PCDH7: variants seen among roughly 807,000 people sequenced by gnomAD.
The protein encoded by PCDH7 is protocadherin 7.
PCDH7 carries 17 observed loss-of-function variants against 58.9 expected under a neutral mutation model. The ratio of observed to expected loss-of-function variants is 0.29; its 90% CI spans 0.20 to 0.43. The LOEUF is 0.43. Among genes scored for constraint, PCDH7 ranks in the 20% least tolerant of loss-of-function variants. The pLI, the probability that PCDH7 is intolerant of heterozygous loss-of-function variation, is 1.00. For missense variants in PCDH7, 1,274 were observed against 1,441.0 expected, an observed-to-expected ratio of 0.88 and a Z score of 1.88; for synonymous variants, 664 against 616.4, an observed-to-expected ratio of 1.08 and a Z score of -1.14.
chr4:31,022,719 T>G (rs1754125185), intron 3 of PCDH7, among the ~76,000 whole-genome samples: 1 of 152,126 alleles, frequency 6.6e-6, no homozygotes, highest in Non-Finnish European at 1.5e-5. Flanking sequence ...TTGTCTGTAT[T>G]TTGATAACTG....
At chr4:31,073,226 A>G (rs2109255789) in intron 3 of PCDH7, among the ~76,000 whole-genome samples, 1 of 152,340 alleles carries the variant, frequency 6.6e-6, no homozygotes, top group South Asian at 2.1e-4. Context: ...GCATTACATC[A>G]TTGAAAGCAT....
chr4:30,926,957 T>C (rs1743952249), intron 2 of PCDH7, among the ~76,000 whole-genome samples: 1 of 152,182 alleles, frequency 6.6e-6, no homozygotes, highest in Non-Finnish European at 1.5e-5. Flanking sequence ...AATCTCAATA[T>C]TAATAATTAA....
intron 1 of PCDH7, among the ~76,000 whole-genome samples, chr4:30,745,786 G>A (rs1717698348): frequency 6.6e-6 from 1 of 152,060 alleles, no homozygotes; most frequent in African/African-American, 2.4e-5. Context: ...GTGTATGTGT[G>A]TGTGTGTGCG....
At chr4:31,028,713 C>T (rs1275619870) in intron 3 of PCDH7, among the ~76,000 whole-genome samples, 1 of 150,528 alleles carries the variant, frequency 6.6e-6, no homozygotes, top group Non-Finnish European at 1.5e-5. Context: ...ATTGAGGTAA[C>T]ATTTTAAATT....
intron 3 of PCDH7, among the ~76,000 whole-genome samples, chr4:31,052,451 G>A (rs762170968): frequency 3.3e-5 from 5 of 152,110 alleles, no homozygotes; most frequent in Non-Finnish European, 5.9e-5. Context: ...TTATTGAGAG[G>A]TGGTAGATTA....
At chr4:30,827,174 C>A (rs183623397) in intron 1 of PCDH7, among the ~76,000 whole-genome samples, 37 of 152,252 alleles carry the variant, frequency 2.4e-4, no homozygotes, top group Middle Eastern at 3.4e-3. Context: ...TTGTAAAAAG[C>A]CTGCAAAGCA....
chr4:31,027,119 G>A (rs1754500143), intron 3 of PCDH7, among the ~76,000 whole-genome samples: 1 of 152,002 alleles, frequency 6.6e-6, no homozygotes, highest in African/African-American at 2.4e-5. Context: ...TTGCTGACTA[G>A]TAAGATAAAT....
intron 1 of PCDH7, among the ~76,000 whole-genome samples, chr4:30,794,849 C>T (rs1174888549): frequency 1.3e-5 from 2 of 152,090 alleles, no homozygotes; most frequent in Non-Finnish European, 2.9e-5. Context: ...AGATGTGTTA[C>T]CTACATTTCT....
intron 3 of PCDH7, among the ~76,000 whole-genome samples, chr4:30,954,915 T>C (rs1384071956): frequency 6.6e-6 from 1 of 152,142 alleles, no homozygotes; most frequent in Non-Finnish European, 1.5e-5. Context: ...TAATCTTTAG[T>C]GATAACATGT....
intron 3 of PCDH7, among the ~76,000 whole-genome samples, chr4:31,120,441 C>CTTTTTTTTTTTTTTTTTTTTTTT (rs138878762): frequency 3.7e-5 from 4 of 107,994 alleles, no homozygotes; most frequent in Non-Finnish European, 5.7e-5. Flanking sequence ...CTATTTTTTT[C>CTTTTTTTTTTTTTTTTTTTTTTT]TTTTTTTTTT....
intron 1 of PCDH7, among the ~76,000 whole-genome samples, chr4:30,864,426 T>C (rs1349667509): frequency 3.7e-5 from 4 of 109,062 alleles, no homozygotes; most frequent in Non-Finnish European, 7.5e-5. Context: ...AGAAAAATTA[T>C]TGGAGAACAC....
At chr4:31,020,076 T>G (rs1753908156) in intron 3 of PCDH7, among the ~76,000 whole-genome samples, 1 of 152,260 alleles carries the variant, frequency 6.6e-6, no homozygotes, top group Admixed American at 6.5e-5. Flanking sequence ...GTGTAAAAAC[T>G]ATACAGACCC....
intron 3 of PCDH7, among the ~76,000 whole-genome samples, chr4:31,105,632 G>A (rs1715456551): frequency 6.6e-6 from 1 of 152,134 alleles, no homozygotes; most frequent in Non-Finnish European, 1.5e-5. Flanking sequence ...GTGTGTGCTT[G>A]TGTGTGTGTT....
At chr4:30,791,684 A>G (rs1724138741) in intron 1 of PCDH7, among the ~76,000 whole-genome samples, 1 of 152,206 alleles carries the variant, frequency 6.6e-6, no homozygotes, top group South Asian at 2.1e-4. Flanking sequence ...GTCTGCTATA[A>G]TTCAAATATA....
chr4:30,763,706 G>A (rs544108134), intron 1 of PCDH7, among the ~76,000 whole-genome samples: 1 of 151,964 alleles, frequency 6.6e-6, no homozygotes, highest in Non-Finnish European at 1.5e-5. Flanking sequence ...GATGAAATAG[G>A]GTCTCAATAT....
At chr4:30,920,393 A>G in intron 2 of PCDH7, 24 bp downstream of exon 2, 1 of 1,353,334 alleles carries the variant, frequency 7.4e-7, no homozygotes, top group South Asian at 1.1e-5. Context: ...CAACATCCAC[A>G]CACATAATCA....
intron 3 of PCDH7, among the ~76,000 whole-genome samples, chr4:31,129,635 T>C (rs752214876): frequency 3.9e-5 from 6 of 152,096 alleles, no homozygotes; most frequent in Non-Finnish European, 7.4e-5. Context: ...TTTGTTATTA[T>C]TATTATTATT....
chr4:31,072,879 TA>T (rs966411073), intron 3 of PCDH7, among the ~76,000 whole-genome samples: 1 of 151,994 alleles, frequency 6.6e-6, no homozygotes, highest in African/African-American at 2.4e-5. Flanking sequence ...AGCAGCTGTG[TA>T]GGGGTCATTC....
At chr4:31,074,477 C>T (rs1027818266) in intron 3 of PCDH7, among the ~76,000 whole-genome samples, 1 of 151,824 alleles carries the variant, frequency 6.6e-6, no homozygotes, top group Non-Finnish European at 1.5e-5. Context: ...TATGCAAAGA[C>T]ATTTGTTTGG....
Sources: allele counts gnomAD v4.1 joint callset (sites outside exome capture counted in the v4.1 genomes callset), GRCh38; gene constraint gnomAD v4.1.1; transcripts MANE v1.5; gene names NCBI Gene and HGNC (gene_info 2026-07-23, HGNC 2026-07-21).